Variants in CDK17 observed in about 807,000 individuals in gnomAD.
The protein encoded by CDK17 is cyclin dependent kinase 17, also known as cyclin-dependent kinase 17.
In CDK17, 24 loss-of-function variants were observed where a neutral mutation model predicts 77.6. The ratio of observed to expected loss-of-function variants is 0.31; its 90% CI spans 0.22 to 0.44. CDK17 has a LOEUF of 0.44. CDK17 is among the 20% of genes least tolerant of loss of function. CDK17 has a pLI of 1.00. For synonymous variants in CDK17, 203 were observed against 210.4 expected, an observed-to-expected ratio of 0.96 and a Z score of 0.30; for missense variants, 429 against 622.5, an observed-to-expected ratio of 0.69 and a Z score of 3.31.
At chr12:96,286,618 G>T in intron 12 of CDK17, 46 bp downstream of exon 12, 1 of 1,318,956 alleles carries the variant, frequency 7.6e-7, no homozygotes, top group Non-Finnish European at 1.1e-6. Context: ...TATCCAGCTA[G>T]TCAATTATGG....
chr12:96,353,459 T>C (rs965105619), intron 1 of CDK17, among the ~76,000 whole-genome samples: 1 of 152,148 alleles, frequency 6.6e-6, no homozygotes, highest in Non-Finnish European at 1.5e-5. Flanking sequence ...ATCAAGAACA[T>C]TCTTAAGTGA....
chr12:96,280,701 A>C, intron 16 of CDK17, 107 bp downstream of exon 16: 1 of 1,525,734 alleles, frequency 6.6e-7, no homozygotes, highest in South Asian at 1.3e-5. Context: ...AATGCACTGT[A>C]CATTGGTTTT....
At chr12:96,337,739 T>C (rs1047406619) in intron 1 of CDK17, among the ~76,000 whole-genome samples, 18 of 152,196 alleles carry the variant, frequency 1.2e-4, no homozygotes, top group African/African-American at 4.1e-4. Context: ...TACTGAGCTA[T>C]TGCCACTCTC....
intron 1 of CDK17, among the ~76,000 whole-genome samples, chr12:96,353,744 A>G (rs1953350849): frequency 6.6e-6 from 1 of 152,214 alleles, no homozygotes; most frequent in South Asian, 2.1e-4. Context: ...ATTTCAATTA[A>G]CCTATCTTAG....
chr12:96,327,648 T>C (rs1409683113), intron 2 of CDK17, among the ~76,000 whole-genome samples: 1 of 152,036 alleles, frequency 6.6e-6, no homozygotes, highest in African/African-American at 2.4e-5. Flanking sequence ...CCTGGGCTCA[T>C]GTGGTCCTCC....
chr12:96,338,907 A>G (rs1459166678), intron 1 of CDK17, among the ~76,000 whole-genome samples: 2 of 151,954 alleles, frequency 1.3e-5, no homozygotes, highest in Non-Finnish European at 2.9e-5. Flanking sequence ...CATCTCCAGA[A>G]TTCATTTCAT....
intron 2 of CDK17, among the ~76,000 whole-genome samples, chr12:96,324,443 C>G (rs1400495882): frequency 6.6e-6 from 1 of 152,116 alleles, no homozygotes; most frequent in Non-Finnish European, 1.5e-5. Flanking sequence ...CATACCACTC[C>G]TCCATTTATT....
intron 1 of CDK17, among the ~76,000 whole-genome samples, chr12:96,338,987 C>A (rs1284647751): frequency 6.6e-6 from 1 of 151,704 alleles, no homozygotes; most frequent in Non-Finnish European, 1.5e-5. Context: ...CAGCCCCTGG[C>A]AACCAAAGTC....
chr12:96,314,120 G>A (rs1952677091), intron 3 of CDK17, among the ~76,000 whole-genome samples: 1 of 152,138 alleles, frequency 6.6e-6, no homozygotes, highest in Non-Finnish European at 1.5e-5. Context: ...GTGGGTTATG[G>A]CATGCTTAAT....
At position 96,343,356 on chromosome 12, in the gene CDK17, T is replaced by G. The variant is rs115589408; in HGVS notation, c.-29-8491A>C. ...TCAGCTTTGCCACAACAGTAAGGAA[T>G]AGCAGCCCCCATCTCTGGAGCGACT... On this transcript the variant is annotated intron_variant, in intron 1 of 16. Transcript: ENST00000261211. Among the ~76,000 whole-genome samples, 532 of 152,298 alleles carry G rather than the reference T, an allele frequency of 3.5e-3. 2 individuals carry two copies. Among genetic ancestry groups the G allele is most frequent in the African/African-American group, 0.011 (457 of 41,566 alleles).
At chr12:96,307,188 G>A (rs1023771249) in intron 5 of CDK17, among the ~76,000 whole-genome samples, 11 of 152,048 alleles carry the variant, frequency 7.2e-5, no homozygotes, top group South Asian at 2.1e-4. Flanking sequence ...CCAGCTACTC[G>A]GGAGGCTGAA....
At chr12:96,282,306 G>C (rs1200137201) in intron 15 of CDK17, 2 of 492,792 alleles carry the variant, frequency 4.1e-6, no homozygotes, top group Non-Finnish European at 7.2e-6. Flanking sequence ...CTACAGAGGA[G>C]TGACAATGTG....
chr12:96,288,929 ATGAGGAAAC>A (rs1006982857), intron 11 of CDK17, among the ~76,000 whole-genome samples: 2 of 152,326 alleles, frequency 1.3e-5, no homozygotes, highest in Admixed American at 6.5e-5. Flanking sequence ...ATTTCCTTAA[ATGAGGAAAC>A]TGAGGCAAAG....
intron 1 of CDK17, among the ~76,000 whole-genome samples, chr12:96,368,083 T>C (rs1310033397): frequency 6.6e-6 from 1 of 151,494 alleles, no homozygotes; most frequent in Non-Finnish European, 1.5e-5. Flanking sequence ...TCTATATGAA[T>C]GGCCTAGGAA....
chr12:96,316,198 C>A (rs549440588), intron 3 of CDK17, among the ~76,000 whole-genome samples: 3 of 152,074 alleles, frequency 2.0e-5, no homozygotes, highest in Non-Finnish European at 4.4e-5. Context: ...GGGTGACGGA[C>A]GCACCTGGAA....
intron 9 of CDK17, among the ~76,000 whole-genome samples, chr12:96,296,850 T>C (rs1406513247): frequency 6.6e-6 from 1 of 152,232 alleles, no homozygotes; most frequent in Non-Finnish European, 1.5e-5. Flanking sequence ...AAAACCTGCA[T>C]GTTCTGGCCT....
intron 2 of CDK17, among the ~76,000 whole-genome samples, chr12:96,326,728 C>T (rs926792884): frequency 6.6e-6 from 1 of 152,178 alleles, no homozygotes; most frequent in Admixed American, 6.5e-5. Flanking sequence ...GCTGACATTG[C>T]TGGTCCAGGG....
chr12:96,342,239 A>C (rs1004628375), intron 1 of CDK17, among the ~76,000 whole-genome samples: 2 of 152,234 alleles, frequency 1.3e-5, no homozygotes, highest in African/African-American at 4.8e-5. Flanking sequence ...GTGGCATGTA[A>C]GCAAATATTC....
At chr12:96,373,783 G>A (rs1953732545) in intron 1 of CDK17, among the ~76,000 whole-genome samples, 1 of 152,036 alleles carries the variant, frequency 6.6e-6, no homozygotes, top group Non-Finnish European at 1.5e-5. Flanking sequence ...AGCTGGGCGT[G>A]GTGGTGTGCC....
Sources: gnomAD v4.1 joint callset for allele counts (sites outside exome capture counted in the v4.1 genomes callset) on GRCh38, gnomAD v4.1.1 for gene constraint, MANE v1.5 for transcripts, NCBI Gene and HGNC (gene_info 2026-07-23, HGNC 2026-07-21) for gene names.